RPS6KC1: variants seen among roughly 807,000 people sequenced by gnomAD.
The protein encoded by RPS6KC1 is ribosomal protein S6 kinase C1.
In RPS6KC1, 54 loss-of-function variants were observed where a neutral mutation model predicts 103.8. That is an observed-to-expected ratio of 0.52 (90% CI 0.42 to 0.65). The LOEUF (loss-of-function observed/expected upper bound fraction) is 0.65, where lower values mean the gene tolerates loss of function less well. RPS6KC1 is among the 30% of genes least tolerant of loss of function. RPS6KC1 has a pLI of 0.00. For synonymous variants in RPS6KC1, 439 were observed against 438.7 expected (o/e 1.00, Z -0.01); for missense variants, 1,151 against 1,253.8 (o/e 0.92, Z 1.24).
At chr1:213,838,160 G>GA in the RPS6KC1 span, among the ~76,000 whole-genome samples, 17 of 150,672 alleles carry the variant, frequency 1.1e-4, no homozygotes, top group East Asian at 1.9e-4. Flanking sequence ...GTTTCTTCAT[G>GA]AAAAAAAAAT....
intron 8 of RPS6KC1, among the ~76,000 whole-genome samples, chr1:213,179,846 C>T (rs1463957782): frequency 2.0e-5 from 3 of 152,086 alleles, no homozygotes; most frequent in Non-Finnish European, 4.4e-5. Flanking sequence ...TACCTAGAAT[C>T]GCTTGGCACA....
the RPS6KC1 span, among the ~76,000 whole-genome samples, chr1:213,653,510 T>C: frequency 6.6e-6 from 1 of 152,202 alleles, no homozygotes; most frequent in Non-Finnish European, 1.5e-5. Flanking sequence ...TCTTTCAAGT[T>C]TGTATCAGCT....
At chr1:213,281,542 A>G in the RPS6KC1 span, among the ~76,000 whole-genome samples, 1 of 152,210 alleles carries the variant, frequency 6.6e-6, no homozygotes, top group Admixed American at 6.5e-5. Context: ...ACCCCTGATC[A>G]TACCTTTCCT....
chr1:213,531,378 G>A, the RPS6KC1 span, among the ~76,000 whole-genome samples: 5 of 152,184 alleles, frequency 3.3e-5, no homozygotes, highest in Non-Finnish European at 4.4e-5. Context: ...AATGTGACAA[G>A]CACCTACTCT....
At chr1:213,511,263 T>C in the RPS6KC1 span, among the ~76,000 whole-genome samples, 1 of 152,098 alleles carries the variant, frequency 6.6e-6, no homozygotes, top group Non-Finnish European at 1.5e-5. Flanking sequence ...CCTGAAAGAC[T>C]ATGCAAGTGT....
At chr1:213,591,421 T>C in the RPS6KC1 span, among the ~76,000 whole-genome samples, 4 of 152,282 alleles carry the variant, frequency 2.6e-5, no homozygotes, top group African/African-American at 9.6e-5. Context: ...CCATTCTCCT[T>C]CTGTTTCCCA....
chr1:213,117,252 AT>A, intron 4 of RPS6KC1, 64 bp from the exon 5 acceptor site: 1 of 918,502 alleles, frequency 1.1e-6, no homozygotes, highest in Non-Finnish European at 1.7e-6. Flanking sequence ...TGGGATAACT[AT>A]TTTTTATTTA....
the RPS6KC1 span, among the ~76,000 whole-genome samples, chr1:213,605,797 G>GAC: frequency 6.6e-6 from 1 of 152,176 alleles, no homozygotes; most frequent in Non-Finnish European, 1.5e-5. Flanking sequence ...GAGCAAGGAC[G>GAC]ACACTCCCAA....
chr1:213,159,657 C>G (rs1398739117), intron 6 of RPS6KC1, among the ~76,000 whole-genome samples: 1 of 152,174 alleles, frequency 6.6e-6, no homozygotes, highest in Non-Finnish European at 1.5e-5. Context: ...GGAAAATAAA[C>G]TAAGTGGGTG....
chr1:213,632,685 T>C, the RPS6KC1 span, among the ~76,000 whole-genome samples: 59 of 152,320 alleles, frequency 3.9e-4, no homozygotes, highest in East Asian at 0.011. Flanking sequence ...CAAAGCTGGA[T>C]GGAGAATGAC....
chr1:213,751,789 T>C, the RPS6KC1 span, among the ~76,000 whole-genome samples: 2 of 152,200 alleles, frequency 1.3e-5, no homozygotes, highest in Non-Finnish European at 2.9e-5. Flanking sequence ...ATTCCCATCT[T>C]AGGGAGTTGG....
chr1:213,425,188 G>A, the RPS6KC1 span, among the ~76,000 whole-genome samples: 1 of 152,054 alleles, frequency 6.6e-6, no homozygotes, highest in African/African-American at 2.4e-5. Context: ...ACAAATGGTT[G>A]ACAAATAACA....
At chr1:213,491,864 G>A in the RPS6KC1 span, among the ~76,000 whole-genome samples, 1 of 152,170 alleles carries the variant, frequency 6.6e-6, no homozygotes, top group African/African-American at 2.4e-5. Context: ...GAGTCTCCAC[G>A]TTTTGGGTTG....
At chr1:213,094,477 C>T (rs1399044062) in intron 3 of RPS6KC1, among the ~76,000 whole-genome samples, 2 of 151,580 alleles carry the variant, frequency 1.3e-5, no homozygotes, top group Non-Finnish European at 2.9e-5. Flanking sequence ...TTTCATAACA[C>T]TGACATTTTT....
chr1:213,534,297 C>T, the RPS6KC1 span, among the ~76,000 whole-genome samples: 1 of 152,288 alleles, frequency 6.6e-6, no homozygotes, highest in East Asian at 1.9e-4. Flanking sequence ...CCTGGAAAAA[C>T]ACAGAGACTT....
At chr1:213,395,722 A>G in the RPS6KC1 span, among the ~76,000 whole-genome samples, 2 of 152,224 alleles carry the variant, frequency 1.3e-5, no homozygotes, top group African/African-American at 4.8e-5. Flanking sequence ...CTAAAGATTT[A>G]ATAATTGGCA....
chr1:213,666,873 C>T, the RPS6KC1 span, among the ~76,000 whole-genome samples: 12 of 152,334 alleles, frequency 7.9e-5, no homozygotes, highest in Admixed American at 2.6e-4. Context: ...GGAAGATCTC[C>T]GTATGTTGCC....
the RPS6KC1 span, among the ~76,000 whole-genome samples, chr1:213,831,919 A>G: frequency 6.6e-6 from 1 of 152,172 alleles, no homozygotes; most frequent in African/African-American, 2.4e-5. Context: ...GGTCCTTACA[A>G]CTGGATCTTT....
the RPS6KC1 span, among the ~76,000 whole-genome samples, chr1:213,471,345 C>T: frequency 6.6e-6 from 1 of 152,128 alleles, no homozygotes; most frequent in Non-Finnish European, 1.5e-5. Flanking sequence ...AAACCAAAAT[C>T]TGAGTGTAAA....
Sources: gnomAD v4.1 joint callset for allele counts (sites outside exome capture counted in the v4.1 genomes callset) on GRCh38, gnomAD v4.1.1 for gene constraint, MANE v1.5 for transcripts, NCBI Gene and HGNC (gene_info 2026-07-23, HGNC 2026-07-21) for gene names.